The following MRM1 variants were observed in gnomAD, a reference collection of about 807,000 sequenced individuals.
MRM1 encodes mitochondrial rRNA methyltransferase 1.
In MRM1, 24 loss-of-function variants were observed where a neutral mutation model predicts 25.0. The observed-to-expected ratio is 0.96, with a 90% CI of 0.69 to 1.35. The LOEUF (loss-of-function observed/expected upper bound fraction) is 1.35, where lower values mean the gene tolerates loss of function less well. Among genes scored for constraint, MRM1 ranks in the 40% most tolerant of loss-of-function variants. The pLI is 0.00. For synonymous variants in MRM1, 188 were observed against 199.2 expected (o/e 0.94, Z 0.47); for missense variants, 431 against 464.1 (o/e 0.93, Z 0.65).
chr17:36,631,494 T>G, the MRM1 span, among the ~76,000 whole-genome samples: 1 of 152,372 alleles, frequency 6.6e-6, no homozygotes, highest in Admixed American at 6.5e-5. Context: ...GGCAAGTCAC[T>G]AAGACCTCTG....
downstream of MRM1, among the ~76,000 whole-genome samples, chr17:36,610,225 A>G (rs2142845141): frequency 6.9e-6 from 1 of 145,644 alleles, no homozygotes; most frequent in African/African-American, 2.6e-5. Context: ...TGGCCTAAAA[A>G]GGGCCTAAGA....
At chr17:36,629,129 A>G in the MRM1 span, among the ~76,000 whole-genome samples, 1 of 152,176 alleles carries the variant, frequency 6.6e-6, no homozygotes, top group Admixed American at 6.5e-5. Flanking sequence ...TAGAAAGTTT[A>G]CTTTTCACCA....
At chr17:36,623,065 G>A in the MRM1 span, among the ~76,000 whole-genome samples, 1 of 152,248 alleles carries the variant, frequency 6.6e-6, no homozygotes, top group Non-Finnish European at 1.5e-5. Context: ...TATGTTCCCA[G>A]TTGTGTGCCC....
intron 2 of MRM1, chr17:36,603,167 A>G: frequency 2.2e-6 from 2 of 918,588 alleles, no homozygotes; most frequent in Non-Finnish European, 2.6e-6. Context: ...CTCTGACCAT[A>G]CCCCCCCCAA....
chr17:36,612,572 T>C (rs552329943), downstream of MRM1, among the ~76,000 whole-genome samples: 19 of 151,908 alleles, frequency 1.3e-4, no homozygotes, highest in African/African-American at 4.3e-4. Flanking sequence ...TGGGTGGGGG[T>C]CCATCCCCTG....
In MRM1 at chr17:36,608,461, C is replaced by T; in HGVS notation, c.*46C>T. 2.2e-6 allele frequency: 3 copies of T among 1,392,424 alleles called. No individual in the cohort carries two copies. Among genetic ancestry groups the T allele is most frequent in the Non-Finnish European group, 2.8e-6 (3 of 1,057,310 alleles). 86.3% of individuals were successfully genotyped at this position (1,392,424 alleles called of 1,614,324 possible). On this transcript the variant is annotated 3_prime_UTR_variant, in exon 5 of 5. Coordinates refer to ENST00000614766, the MANE Select transcript of MRM1 (RefSeq NM_024864.5). The stretch of plus-strand genomic sequence containing the variant: ...CATGTGCTGGAGTCAGGGACGGCCG[C>T]ACCTGCCTCCGCCGGCTCCAGTGTG...
intron 2 of MRM1, chr17:36,603,313 T>C (rs893162217): frequency 4.7e-6 from 3 of 633,850 alleles, no homozygotes; most frequent in African/African-American, 4.0e-5. Flanking sequence ...AGTAGCCACA[T>C]TGAAAAGTAA....
Position 36,608,707 on chromosome 17 carries a change from T to G in MRM1, c.*292T>G. ...CCTGCCTGGAAGTTGAGGGAAAGTTTAGACATCTGCAGAGAGGCAGGCAGC... is the reference window on the plus strand; with the variant it reads ...CCTGCCTGGAAGTTGAGGGAAAGTTGAGACATCTGCAGAGAGGCAGGCAGC... On this transcript the variant is annotated 3_prime_UTR_variant, in exon 5 of 5. Transcript: ENST00000614766. 2.8e-6 allele frequency: 1 copy of G among 360,142 alleles called. No homozygotes were observed. Among genetic ancestry groups the G allele is most frequent in the Non-Finnish European group, 5.0e-6 (1 of 201,672 alleles). The allele number at this position is 360,142 out of a possible 1,614,324, so 22.3% of individuals were successfully genotyped here.
rs2074952145 is a variant in MRM1, at chr17:36,608,538, CT to C, written c.*124del. The C allele has an allele frequency of 7.5e-5, 28 of 374,068 alleles. No homozygotes were observed. Among genetic ancestry groups the C allele is most frequent in the East Asian group, 3.1e-4 (5 of 15,908 alleles). 23.2% of individuals were successfully genotyped at this position (374,068 alleles called of 1,614,324 possible). A position where few individuals can be genotyped will look rare whatever the true frequency, so the allele number is the denominator to read the frequency against. Reference sequence around the variant, plus strand: ...CAGGCCCATGTTTATTGACCACAGTCTGGGGGGGGGGGAAGGGGACTGCGGT... The same window carrying C: ...CAGGCCCATGTTTATTGACCACAGTCGGGGGGGGGGGAAGGGGACTGCGGT... On this transcript the variant is annotated 3_prime_UTR_variant, in exon 5 of 5. Coordinates refer to ENST00000614766, the MANE Select transcript of MRM1 (RefSeq NM_024864.5).
chr17:36,614,172 C>G, the MRM1 span, among the ~76,000 whole-genome samples: 1 of 152,046 alleles, frequency 6.6e-6, no homozygotes, highest in Non-Finnish European at 1.5e-5. Flanking sequence ...ACCCTGCTCT[C>G]TGGGGGGAAG....
chr17:36,602,785 G>T lies in MRM1; in HGVS notation c.636+139G>T, dbSNP rs1336881668. 1.8e-5 allele frequency: 23 copies of T among 1,247,330 alleles called. No homozygotes were observed. Among genetic ancestry groups the T allele is most frequent in the Non-Finnish European group, 2.6e-5 (23 of 895,040 alleles). The allele number at this position is 1,247,330 out of a possible 1,614,324, so 77.3% of individuals were successfully genotyped here. Reference sequence around the variant, plus strand: ...TGGCCTTCTAAATCCCTCTGGGGATGGAAGGGTCCTGGAGTTTTTAAAACG... The same window carrying T: ...TGGCCTTCTAAATCCCTCTGGGGATTGAAGGGTCCTGGAGTTTTTAAAACG... On this transcript the variant is annotated intron_variant, in intron 2 of 4. Coordinates refer to ENST00000614766, the MANE Select transcript of MRM1 (RefSeq NM_024864.5). The surrounding 1 kb of genome is among the most constrained non-coding windows in gnomAD (Gnocchi z 4.1).
rs955620936 is a variant in MRM1 at position 36,602,519 on chromosome 17, C to T, written c.543-34C>T. 1 of 1,613,800 alleles carries T rather than the reference C, an allele frequency of 6.2e-7. No individual in the cohort carries two copies. The highest frequency in any genetic ancestry group is 8.5e-7 in the Non-Finnish European group (1 of 1,179,846). On this transcript the variant is annotated intron_variant, in intron 1 of 4. Transcript: ENST00000614766. This position sits in a 1 kb window ranked among gnomAD's most constrained non-coding sequence, Gnocchi z 4.1. ...GGTAGGGAGCCGGGCTTGAGATGGCCCAGCCTAATGCGGGGAACGGGGAAA... is the reference window on the plus strand; with the variant it reads ...GGTAGGGAGCCGGGCTTGAGATGGCTCAGCCTAATGCGGGGAACGGGGAAA...
At chr17:36,620,953 AATCTGGTGG>A in the MRM1 span, among the ~76,000 whole-genome samples, 2 of 152,120 alleles carry the variant, frequency 1.3e-5, no homozygotes, top group African/African-American at 4.8e-5. Context: ...CAGACTTTAG[AATCTGGTGG>A]ACCTTGGTTC....
intron 2 of MRM1, among the ~76,000 whole-genome samples, chr17:36,604,698 C>T (rs969657225): frequency 1.8e-4 from 28 of 151,780 alleles, no homozygotes; most frequent in African/African-American, 5.6e-4. Flanking sequence ...CCCAGCTACT[C>T]GGGAGGCGGA....
At chr17:36,618,252 G>A in the MRM1 span, among the ~76,000 whole-genome samples, 3 of 152,154 alleles carry the variant, frequency 2.0e-5, no homozygotes, top group African/African-American at 7.2e-5. Flanking sequence ...AGGACAGAAC[G>A]CCAAGGCTTA....
At chr17:36,614,857 A>G in the MRM1 span, among the ~76,000 whole-genome samples, 11 of 152,220 alleles carry the variant, frequency 7.2e-5, no homozygotes, top group Non-Finnish European at 1.6e-4. Flanking sequence ...TCTCAAAACT[A>G]TGTTCTTAAA....
chr17:36,606,166 G>A (rs2074926492), intron 2 of MRM1, among the ~76,000 whole-genome samples: 1 of 152,178 alleles, frequency 6.6e-6, no homozygotes, highest in South Asian at 2.1e-4. Context: ...TGCCCCAGAT[G>A]TCTGCACGGT....
At chr17:36,613,963 C>T (rs1839658541), downstream of MRM1, among the ~76,000 whole-genome samples, 2 of 151,988 alleles carry the variant, frequency 1.3e-5, no homozygotes. Flanking sequence ...TACTACCTAC[C>T]ATGTAGGCTT....
In MRM1 at chr17:36,602,777, C is replaced by T; in HGVS notation, c.636+131C>T. 7.8e-7 allele frequency: 1 copy of T among 1,276,840 alleles called. No homozygotes were observed. The highest frequency in any genetic ancestry group is 1.1e-6 in the Non-Finnish European group (1 of 914,916). 79.1% of individuals were successfully genotyped at this position (1,276,840 alleles called of 1,614,324 possible). A position where few individuals can be genotyped will look rare whatever the true frequency, so the allele number is the denominator to read the frequency against. ...GCTTCCTTTGGCCTTCTAAATCCCT[C>T]TGGGGATGGAAGGGTCCTGGAGTTT... On this transcript the variant is annotated intron_variant, in intron 2 of 4. Coordinates refer to ENST00000614766, the MANE Select transcript of MRM1 (RefSeq NM_024864.5). The surrounding 1 kb of genome is among the most constrained non-coding windows in gnomAD (Gnocchi z 4.1).
Sources: gnomAD v4.1 joint callset for allele counts (sites outside exome capture counted in the v4.1 genomes callset) on GRCh38, gnomAD v4.1.1 for gene constraint, Gnocchi (gnomAD v3.1) non-coding constraint, MANE v1.5 for transcripts, NCBI Gene and HGNC (gene_info 2026-07-23, HGNC 2026-07-21) for gene names.